The following STAMBP variants were observed in gnomAD, a reference collection of about 807,000 sequenced individuals.
STAMBP encodes the protein STAM-binding protein.
STAMBP carries 31 observed loss-of-function variants against 50.7 expected under a neutral mutation model. The observed-to-expected ratio is 0.61, with a 90% CI of 0.46 to 0.83. The LOEUF (loss-of-function observed/expected upper bound fraction) is 0.83. STAMBP is among the 40% of genes least tolerant of loss of function. The pLI is 0.00. For synonymous variants in STAMBP, 211 were observed against 192.4 expected, an observed-to-expected ratio of 1.10 and a Z score of -0.80; for missense variants, 472 against 518.9, an observed-to-expected ratio of 0.91 and a Z score of 0.88.
rs1473869706 is a variant in STAMBP, at chr2:73,862,368, G to A, written c.*109G>A. 3.6e-6 allele frequency: 3 copies of A among 837,462 alleles called. No homozygotes were observed. Among genetic ancestry groups the A allele is most frequent in the Non-Finnish European group, 5.3e-6 (3 of 570,448 alleles). 51.9% of individuals were successfully genotyped at this position (837,462 alleles called of 1,614,324 possible). Reference sequence around the variant, plus strand: ...TGGAAGTTTTTGTAGATAGTAGAAAGGGGGGCATCACCTGAGAAAGAGCTG... The same window carrying A: ...TGGAAGTTTTTGTAGATAGTAGAAAAGGGGGCATCACCTGAGAAAGAGCTG... On this transcript the variant is annotated 3_prime_UTR_variant, in exon 10 of 10. Transcript: ENST00000394070.
chr2:73,853,869 T>C (rs960832123), intron 7 of STAMBP, among the ~76,000 whole-genome samples: 22 of 152,366 alleles, frequency 1.4e-4, no homozygotes, highest in Middle Eastern at 6.8e-3. Flanking sequence ...TCGTTTATAA[T>C]TTCACCACTT....
At chr2:73,872,853 A>G (rs1427031877) in intron 10 of STAMBP, among the ~76,000 whole-genome samples, 3 of 152,250 alleles carry the variant, frequency 2.0e-5, no homozygotes, top group Non-Finnish European at 4.4e-5. Context: ...CTAGAAATCA[A>G]GTATGCAACA....
chr2:73,860,641 C>G, intron 9 of STAMBP: 1 of 761,196 alleles, frequency 1.3e-6, no homozygotes, highest in Non-Finnish European at 1.6e-6. Flanking sequence ...GGCTTTACGA[C>G]CTTCCTACAA....
chr2:73,855,855 A>C (rs1167063340), intron 7 of STAMBP, among the ~76,000 whole-genome samples: 1 of 152,220 alleles, frequency 6.6e-6, no homozygotes, highest in Admixed American at 6.5e-5. Context: ...GGGGTGCAGG[A>C]GTCTGGGCTT....
chr2:73,851,749 C>G (rs1676838794), intron 7 of STAMBP, among the ~76,000 whole-genome samples: 1 of 151,854 alleles, frequency 6.6e-6, no homozygotes. Context: ...AAGCGATTCT[C>G]CTACCTCAGC....
intron 2 of STAMBP, among the ~76,000 whole-genome samples, chr2:73,835,211 G>A (rs1057103130): frequency 6.6e-6 from 1 of 151,988 alleles, no homozygotes; most frequent in Non-Finnish European, 1.5e-5. Flanking sequence ...AAACTTAGCC[G>A]GGCGTGGTGG....
chr2:73,831,159 A>G, intron 2 of STAMBP, 100 bp downstream of exon 2: 3 of 972,626 alleles, frequency 3.1e-6, no homozygotes, highest in African/African-American at 1.6e-5. Flanking sequence ...TATCATCAAC[A>G]TTAATCATTT....
intron 1 of STAMBP, among the ~76,000 whole-genome samples, chr2:73,829,802 A>G (rs1043037832): frequency 1.3e-5 from 2 of 152,240 alleles, no homozygotes; most frequent in Non-Finnish European, 2.9e-5. Context: ...GAGTTGTAGT[A>G]GAAAAGAAAA....
intron 2 of STAMBP, among the ~76,000 whole-genome samples, chr2:73,841,427 G>A (rs1015121957): frequency 6.6e-6 from 1 of 152,022 alleles, no homozygotes; most frequent in Non-Finnish European, 1.5e-5. Flanking sequence ...TCTAGATACC[G>A]TGTTTAGCAT....
intron 4 of STAMBP, among the ~76,000 whole-genome samples, chr2:73,845,707 C>T (rs1025259848): frequency 2.6e-5 from 4 of 151,098 alleles, no homozygotes; most frequent in African/African-American, 9.8e-5. Context: ...TCTCAGCTCA[C>T]TGCAACCTCT....
intron 6 of STAMBP, 92 bp downstream of exon 6, chr2:73,849,579 G>T (rs1676553101): frequency 6.8e-7 from 1 of 1,476,980 alleles, no homozygotes; most frequent in Non-Finnish European, 9.0e-7. Context: ...AATATCCAGG[G>T]TCAGTTACTC....
At chr2:73,860,696 TTGA>T (rs1394944215) in intron 9 of STAMBP, 3 of 279,308 alleles carry the variant, frequency 1.1e-5, no homozygotes, top group African/African-American at 6.9e-5. Flanking sequence ...AAAAGTTTAG[TTGA>T]TGATAAGATC....
At chr2:73,870,279 G>T (rs970683439), downstream of STAMBP, 2 of 152,206 alleles carry the variant, frequency 1.3e-5, no homozygotes, top group Admixed American at 6.5e-5. Flanking sequence ...TTCCATGAGG[G>T]TGACCTCACC....
intron 2 of STAMBP, among the ~76,000 whole-genome samples, chr2:73,832,500 C>T (rs1203528104): frequency 6.6e-6 from 1 of 151,266 alleles, no homozygotes; most frequent in Non-Finnish European, 1.5e-5. Flanking sequence ...CTCCTCTTTT[C>T]CCCCCAAACC....
In STAMBP at chr2:73,829,507, A is replaced by G. The variant is rs1353873873; in HGVS notation, c.-16A>G. On this transcript the variant is annotated 5_prime_UTR_variant, in exon 1 of 10. Transcript: ENST00000394070. ...TCTTAACCCACAAGAACCTCTCCCA[A>G]GAGGTACTGAGATGCAACAAGCATC... 1.3e-5 allele frequency: 2 copies of G among 152,186 alleles called. No homozygotes were observed. The highest frequency in any genetic ancestry group is 4.8e-5 in the African/African-American group (2 of 41,428). The allele number at this position is 152,186 out of a possible 1,614,324, so 9.4% of individuals were successfully genotyped here.
At chr2:73,838,282 T>G (rs896401575) in intron 2 of STAMBP, among the ~76,000 whole-genome samples, 6 of 152,164 alleles carry the variant, frequency 3.9e-5, no homozygotes, top group African/African-American at 1.4e-4. Context: ...AACACATAAA[T>G]GAATGGATGT....
intron 2 of STAMBP, among the ~76,000 whole-genome samples, chr2:73,843,406 G>A (rs1019004812): frequency 2.3e-5 from 3 of 129,940 alleles, no homozygotes; most frequent in African/African-American, 1.0e-4. Flanking sequence ...GTTTGTGTAT[G>A]TATATATATA....
chr2:73,871,808 C>T (rs1409522844), downstream of STAMBP, among the ~76,000 whole-genome samples: 1 of 152,064 alleles, frequency 6.6e-6, no homozygotes, highest in Non-Finnish European at 1.5e-5. Flanking sequence ...CGCTGTGTCA[C>T]CCAGGCTGGA....
chr2:73,847,256 G>C, intron 4 of STAMBP, 131 bp from the exon 5 acceptor site: 1 of 1,151,004 alleles, frequency 8.7e-7, no homozygotes, highest in Non-Finnish European at 1.2e-6. Context: ...AGGAAAGCAT[G>C]AATTCTGTGT....
Sources: allele counts gnomAD v4.1 joint callset (sites outside exome capture counted in the v4.1 genomes callset), GRCh38; gene constraint gnomAD v4.1.1; transcripts MANE v1.5; gene names NCBI Gene and HGNC (gene_info 2026-07-23, HGNC 2026-07-21).